LYST: variants seen among roughly 807,000 people sequenced by gnomAD.
LYST encodes the protein lysosomal-trafficking regulator.
In LYST, 192 loss-of-function variants were observed where a neutral mutation model predicts 413.6. The observed-to-expected ratio is 0.46, with a 90% CI of 0.41 to 0.52. LYST has a LOEUF of 0.52. Among genes scored for constraint, LYST ranks in the 20% least tolerant of loss-of-function variants. The probability of loss-of-function intolerance (pLI) is 0.00; values close to 1 mark genes in which losing one functional copy is unlikely to be tolerated. For missense variants in LYST, 3,815 were observed against 4,499.9 expected, an observed-to-expected ratio of 0.85 and a Z score of 4.35; for synonymous variants, 1,525 against 1,567.3, an observed-to-expected ratio of 0.97 and a Z score of 0.64.
chr1:235,750,055 G>A (rs571328496), intron 28 of LYST, among the ~76,000 whole-genome samples: 13 of 152,244 alleles, frequency 8.5e-5, no homozygotes, highest in African/African-American at 3.1e-4. Flanking sequence ...GATATCAAGA[G>A]AGGGCAAATT....
At chr1:235,746,308 G>T in intron 29 of LYST, 28 bp downstream of exon 29, 1 of 1,598,896 alleles carries the variant, frequency 6.3e-7, no homozygotes. Context: ...AAAATCTGAG[G>T]AAAAACAAAC....
intron 47 of LYST, among the ~76,000 whole-genome samples, chr1:235,690,880 G>A (rs530137010): frequency 2.6e-4 from 40 of 151,932 alleles, no homozygotes; most frequent in African/African-American, 8.4e-4. Flanking sequence ...GCAGCATACT[G>A]TATATTTACA....
intron 34 of LYST, among the ~76,000 whole-genome samples, chr1:235,732,233 G>A (rs540634209): frequency 9.9e-5 from 15 of 152,140 alleles, no homozygotes; most frequent in Admixed American, 2.0e-4. Flanking sequence ...ACCATATTAC[G>A]GTTTATAACT....
At position 235,882,800 on chromosome 1, in the gene LYST, A is replaced by G. The variant is rs554786888; in HGVS notation, n.454+387T>C. Among the ~76,000 whole-genome samples the G allele has an allele frequency of 8.5e-5, 13 of 152,308 alleles. No homozygotes were observed. In the South Asian group the frequency reaches 2.7e-3, roughly 32 times the overall value. On this transcript the variant is annotated intron_variant and non_coding_transcript_variant, in intron 1 of 11. Coordinates refer to the LYST transcript ENST00000465349. ...AGTTTCATGTGCCTTGTGTAAAAACATCCCACATGAGTCCATCTGCACACA... is the reference window on the plus strand; with the variant it reads ...AGTTTCATGTGCCTTGTGTAAAAACGTCCCACATGAGTCCATCTGCACACA...
intron 44 of LYST, among the ~76,000 whole-genome samples, chr1:235,706,006 T>C (rs1308984643): frequency 6.6e-6 from 1 of 152,150 alleles, no homozygotes; most frequent in Non-Finnish European, 1.5e-5. Context: ...TTGGCCAGGC[T>C]GGTCTTGAAC....
chr1:235,818,810 A>C (rs1461598693), intron 3 of LYST, among the ~76,000 whole-genome samples: 2 of 152,190 alleles, frequency 1.3e-5, no homozygotes, highest in African/African-American at 4.8e-5. Flanking sequence ...CCCTTGCTCC[A>C]CATACTGGCA....
intron 31 of LYST, chr1:235,738,774 T>C (rs1444371649): frequency 2.6e-6 from 3 of 1,133,826 alleles, no homozygotes; most frequent in Non-Finnish European, 4.0e-6. Context: ...TGTGGCAGAT[T>C]TGGCAGAAAG....
chr1:235,847,850 A>G (rs1286557190), intron 1 of LYST, among the ~76,000 whole-genome samples: 2 of 152,210 alleles, frequency 1.3e-5, no homozygotes, highest in Non-Finnish European at 2.9e-5. Flanking sequence ...TCACAATCCT[A>G]AACATATATG....
intron 1 of LYST, among the ~76,000 whole-genome samples, chr1:235,858,518 T>C (rs1679472335): frequency 6.6e-6 from 1 of 152,220 alleles, no homozygotes; most frequent in South Asian, 2.1e-4. Flanking sequence ...CTCACATCTA[T>C]GTGCCAATTT....
intron 44 of LYST, among the ~76,000 whole-genome samples, chr1:235,704,770 T>C (rs779276939): frequency 1.3e-5 from 2 of 152,222 alleles, no homozygotes; most frequent in Non-Finnish European, 2.9e-5. Flanking sequence ...CACTTGTCAA[T>C]TGTTGCTCTT....
intron 19 of LYST, among the ~76,000 whole-genome samples, chr1:235,771,338 GAAGT>G (rs752144069): frequency 3.9e-5 from 6 of 152,092 alleles, no homozygotes; most frequent in Non-Finnish European, 7.4e-5. Flanking sequence ...CAAATCCATA[GAAGT>G]AATATGTGTC....
At chr1:235,799,750 CCA>C (rs1162503445) in intron 10 of LYST, among the ~76,000 whole-genome samples, 2 of 151,912 alleles carry the variant, frequency 1.3e-5, no homozygotes, top group Non-Finnish European at 2.9e-5. Flanking sequence ...GTTACAGTCC[CCA>C]CTATGCCACT....
At chr1:235,843,279 T>G (rs1159876364) in intron 1 of LYST, among the ~76,000 whole-genome samples, 1 of 152,144 alleles carries the variant, frequency 6.6e-6, no homozygotes, top group Non-Finnish European at 1.5e-5. Context: ...TAATAGATAT[T>G]TATTAATATG....
intron 43 of LYST, among the ~76,000 whole-genome samples, 199 bp downstream of exon 43, chr1:235,711,858 A>G (rs923911514): frequency 2.0e-5 from 3 of 152,098 alleles, no homozygotes; most frequent in Admixed American, 2.0e-4. Context: ...ACAGTTTTCC[A>G]AACATATTTA....
intron 1 of LYST, among the ~76,000 whole-genome samples, chr1:235,866,503 G>A (rs765118069): frequency 2.0e-5 from 3 of 152,244 alleles, no homozygotes; most frequent in Non-Finnish European, 2.9e-5. Context: ...CCGTCAGCCT[G>A]CTCGACCTCG....
intron 14 of LYST, among the ~76,000 whole-genome samples, chr1:235,783,420 A>C (rs1313849041): frequency 6.6e-6 from 1 of 152,170 alleles, no homozygotes; most frequent in Admixed American, 6.6e-5. Context: ...TTTAAAAAAT[A>C]GTTTTTCAAT....
intron 3 of LYST, among the ~76,000 whole-genome samples, chr1:235,826,715 C>G (rs1675374318): frequency 6.6e-6 from 1 of 152,166 alleles, no homozygotes; most frequent in Non-Finnish European, 1.5e-5. Context: ...GGGTTTCACT[C>G]TGTCACCCAG....
At chr1:235,716,314 C>T (rs1167683016) in intron 41 of LYST, among the ~76,000 whole-genome samples, 1 of 151,928 alleles carries the variant, frequency 6.6e-6, no homozygotes, top group African/African-American at 2.4e-5. Context: ...GTTTAATAAA[C>T]CAATGCATAA....
chr1:235,754,816 A>G (rs1180284490), intron 25 of LYST, among the ~76,000 whole-genome samples: 1 of 152,102 alleles, frequency 6.6e-6, no homozygotes, highest in Non-Finnish European at 1.5e-5. Flanking sequence ...GCCCACACCT[A>G]TAATCCCAAC....
Sources: gnomAD v4.1 joint callset for allele counts (sites outside exome capture counted in the v4.1 genomes callset) on GRCh38, gnomAD v4.1.1 for gene constraint, MANE v1.5 for transcripts, NCBI Gene and HGNC (gene_info 2026-07-23, HGNC 2026-07-21) for gene names.